The following PTPRG variants were observed in gnomAD, a reference collection of about 807,000 sequenced individuals.
PTPRG encodes protein tyrosine phosphatase receptor type G, also known as receptor-type tyrosine-protein phosphatase gamma.
Under a neutral mutation model 165.3 loss-of-function variants are expected in PTPRG, and 102 were observed. The observed-to-expected ratio is 0.62, with a 90% CI of 0.53 to 0.73. The LOEUF is 0.73. PTPRG is among the 30% of genes least tolerant of loss of function. The probability of loss-of-function intolerance (pLI) is 0.00; values close to 1 mark genes in which losing one functional copy is unlikely to be tolerated. For missense variants in PTPRG, 1,866 were observed against 1,861.4 expected, an observed-to-expected ratio of 1.00 and a Z score of -0.05; for synonymous variants, 675 against 669.5, an observed-to-expected ratio of 1.01 and a Z score of -0.13.
At chr3:61,677,845 G>A (rs1277819828) in intron 1 of PTPRG, among the ~76,000 whole-genome samples, 1 of 152,144 alleles carries the variant, frequency 6.6e-6, no homozygotes, top group East Asian at 1.9e-4. Context: ...CAGTTATAAA[G>A]AGTCCTTAGG....
rs186420375 is a variant in PTPRG, at chr3:61,763,077, G to A, written c.190+14095G>A. On this transcript the variant is annotated intron_variant, in intron 2 of 29. Coordinates refer to ENST00000474889, the MANE Select transcript of PTPRG (RefSeq NM_002841.4). Reference sequence around the variant, plus strand: ...CCTGGTGAATCAGCCTTCATATTTTGTTGTCCAGACTTGGATCGTGTTCTC... The same window carrying A: ...CCTGGTGAATCAGCCTTCATATTTTATTGTCCAGACTTGGATCGTGTTCTC... 4.2e-3 allele frequency among the ~76,000 whole-genome samples: 643 copies of A among 152,216 alleles called. 2 individuals carry two copies. Among genetic ancestry groups the A allele is most frequent in the Non-Finnish European group, 6.9e-3 (467 of 68,006 alleles).
At chr3:61,590,534 A>G (rs1700543678) in intron 1 of PTPRG, among the ~76,000 whole-genome samples, 1 of 152,140 alleles carries the variant, frequency 6.6e-6, no homozygotes, top group Non-Finnish European at 1.5e-5. Flanking sequence ...AAAAAAAAAA[A>G]GTATAATACA....
intron 2 of PTPRG, among the ~76,000 whole-genome samples, chr3:61,907,402 G>A (rs1367819371): frequency 6.6e-6 from 1 of 152,160 alleles, no homozygotes. Context: ...GAGCCCAGAT[G>A]TGCCCTCCTG....
At chr3:61,996,250 G>T (rs951037950) in intron 3 of PTPRG, among the ~76,000 whole-genome samples, 17 of 152,214 alleles carry the variant, frequency 1.1e-4, no homozygotes, top group Middle Eastern at 3.4e-3. Flanking sequence ...TGAAATACAT[G>T]AATGATTCCC....
intron 12 of PTPRG, among the ~76,000 whole-genome samples, chr3:62,208,997 CTA>C (rs746943386): frequency 1.1e-4 from 16 of 152,212 alleles, no homozygotes; most frequent in Non-Finnish European, 1.6e-4. Flanking sequence ...GGCTCTGACT[CTA>C]TAGTCCAGGG....
intron 1 of PTPRG, among the ~76,000 whole-genome samples, chr3:61,737,125 C>T (rs2032750976): frequency 6.6e-6 from 1 of 152,146 alleles, no homozygotes; most frequent in Non-Finnish European, 1.5e-5. Context: ...TATCATCTCT[C>T]CCTGTCAATG....
At position 62,213,129 on chromosome 3, in the gene PTPRG, C is replaced by T. The variant is rs970444504; in HGVS notation, c.2156-5722C>T. ...GGCAGCTAGGTTACCAGCAAAGCTCCGAGTGAAAGTGTGCTGCTCCTGACA... is the reference window on the plus strand; with the variant it reads ...GGCAGCTAGGTTACCAGCAAAGCTCTGAGTGAAAGTGTGCTGCTCCTGACA... On this transcript the variant is annotated intron_variant, in intron 12 of 29. Transcript: ENST00000474889. The surrounding 1 kb of genome is among the most constrained non-coding windows in gnomAD (Gnocchi z 4.4). Among the ~76,000 whole-genome samples, 11 of 152,122 alleles carry T rather than the reference C, an allele frequency of 7.2e-5. No individual in the cohort carries two copies. The highest frequency in any genetic ancestry group is 2.0e-4 in the Admixed American group (3 of 15,286).
chr3:61,613,749 T>C (rs557661529), intron 1 of PTPRG, among the ~76,000 whole-genome samples: 23 of 152,336 alleles, frequency 1.5e-4, no homozygotes, highest in Admixed American at 4.6e-4. Flanking sequence ...GACCTCCTAA[T>C]AGAAGAGGGT....
chr3:62,022,225 T>C (rs182012527), intron 4 of PTPRG, among the ~76,000 whole-genome samples: 128 of 152,304 alleles, frequency 8.4e-4, no homozygotes, highest in African/African-American at 3.0e-3. Flanking sequence ...AGGTGACCTA[T>C]TTACATTTTT....
chr3:61,885,675 T>TCC (rs2038012043), intron 2 of PTPRG, among the ~76,000 whole-genome samples: 1 of 2,788 alleles, frequency 3.6e-4, no homozygotes, highest in African/African-American at 1.2e-3. Context: ...TCCTCTCCTC[T>TCC]CCTCTCCTCT....
rs142415310 is a variant in PTPRG at position 61,861,977 on chromosome 3, G to A, written c.190+112995G>A. ...AGGTGAAAATGGTAAACATTTGTGT[G>A]CAAGTTGTATCATCATGTAATAATA... On this transcript the variant is annotated intron_variant, in intron 2 of 29. Transcript: ENST00000474889. 4.1e-3 allele frequency among the ~76,000 whole-genome samples: 629 copies of A among 152,264 alleles called. 6 individuals are homozygous for A. Among genetic ancestry groups the A allele is most frequent in the South Asian group, 0.013 (62 of 4,824 alleles).
chr3:61,872,054 T>C (rs577109277), intron 2 of PTPRG, among the ~76,000 whole-genome samples: 1 of 152,352 alleles, frequency 6.6e-6, no homozygotes, highest in East Asian at 1.9e-4. Flanking sequence ...TCTTCTCATA[T>C]ATTCCATTGA....
chr3:61,584,345 A>G (rs1047750788), intron 1 of PTPRG, among the ~76,000 whole-genome samples: 8 of 152,146 alleles, frequency 5.3e-5, no homozygotes, highest in African/African-American at 1.9e-4. Context: ...TCCACACCTA[A>G]TCCTTTCTGT....
At chr3:62,220,769 A>T (rs767712685) in intron 13 of PTPRG, among the ~76,000 whole-genome samples, 2 of 152,194 alleles carry the variant, frequency 1.3e-5, no homozygotes, top group Non-Finnish European at 2.9e-5. Context: ...TAATCAAGTG[A>T]GGTTAACAAG....
intron 2 of PTPRG, among the ~76,000 whole-genome samples, chr3:61,963,520 T>C (rs2040200573): frequency 6.6e-6 from 1 of 152,210 alleles, no homozygotes. Flanking sequence ...AAAATATTTA[T>C]GATTAATTCC....
chr3:62,235,244 A>C (rs1265129387), intron 14 of PTPRG, among the ~76,000 whole-genome samples: 3 of 152,156 alleles, frequency 2.0e-5, no homozygotes, highest in Non-Finnish European at 4.4e-5. Context: ...AGTGCCTTAA[A>C]ACTGTGGCAA....
intron 1 of PTPRG, among the ~76,000 whole-genome samples, chr3:61,692,050 A>G (rs1464141327): frequency 2.0e-5 from 3 of 152,262 alleles, no homozygotes; most frequent in Non-Finnish European, 4.4e-5. Context: ...ATTTTTGAGT[A>G]CATTCCAGTG....
At chr3:62,175,678 G>C (rs777236498) in intron 8 of PTPRG, among the ~76,000 whole-genome samples, 2 of 152,168 alleles carry the variant, frequency 1.3e-5, no homozygotes, top group Non-Finnish European at 2.9e-5. Flanking sequence ...ATTCTAGAAA[G>C]GAGAAATAAA....
intron 15 of PTPRG, among the ~76,000 whole-genome samples, chr3:62,246,514 A>T (rs987768259): frequency 5.3e-5 from 8 of 152,188 alleles, no homozygotes; most frequent in Non-Finnish European, 1.2e-4. Context: ...GCACTTTTTA[A>T]ACAATTCACT....
Sources: allele counts gnomAD v4.1 joint callset (sites outside exome capture counted in the v4.1 genomes callset), GRCh38; gene constraint gnomAD v4.1.1; non-coding constraint Gnocchi (gnomAD v3.1); transcripts MANE v1.5; gene names NCBI Gene and HGNC (gene_info 2026-07-23, HGNC 2026-07-21).